TTC39B: variants seen among roughly 807,000 people sequenced by gnomAD.
The protein encoded by TTC39B is tetratricopeptide repeat domain 39B.
In TTC39B, 92 loss-of-function variants were observed where a neutral mutation model predicts 96.6. The ratio of observed to expected loss-of-function variants is 0.95; its 90% CI spans 0.80 to 1.13. TTC39B has a LOEUF of 1.13. TTC39B is among the 50% of genes most tolerant of loss of function. TTC39B has a pLI of 0.00. For synonymous variants in TTC39B, 367 were observed against 299.4 expected, an observed-to-expected ratio of 1.23 and a Z score of -2.33; for missense variants, 955 against 809.3, an observed-to-expected ratio of 1.18 and a Z score of -2.18.
At chr9:15,209,752 T>A (rs968588903) in intron 6 of TTC39B, among the ~76,000 whole-genome samples, 3 of 152,184 alleles carry the variant, frequency 2.0e-5, no homozygotes, top group African/African-American at 7.2e-5. Flanking sequence ...ACCACACAGC[T>A]GTTAAACACT....
chr9:15,267,971 T>C, intron 1 of TTC39B, 23 bp from the exon 2 acceptor site: 1 of 1,607,152 alleles, frequency 6.2e-7, no homozygotes, highest in Non-Finnish European at 8.5e-7. Context: ...AAAAATACAA[T>C]GAGTTTCTCA....
intron 2 of TTC39B, among the ~76,000 whole-genome samples, chr9:15,246,914 A>T (rs1395342909): frequency 1.3e-5 from 2 of 152,260 alleles, no homozygotes; most frequent in African/African-American, 4.8e-5. Flanking sequence ...TTATTGTTTT[A>T]AGTCTACTAA....
intron 1 of TTC39B, among the ~76,000 whole-genome samples, chr9:15,288,774 A>G (rs1824072218): frequency 6.6e-6 from 1 of 152,184 alleles, no homozygotes; most frequent in African/African-American, 2.4e-5. Flanking sequence ...ACAGACACCC[A>G]CCCCTGGATG....
intron 19 of TTC39B, among the ~76,000 whole-genome samples, chr9:15,174,346 T>C (rs138658451): frequency 2.5e-4 from 38 of 152,342 alleles, no homozygotes; most frequent in African/African-American, 8.7e-4. Flanking sequence ...GACCTAGAGC[T>C]AGTCTGGCAT....
chr9:15,232,892 A>G (rs655099), intron 2 of TTC39B, among the ~76,000 whole-genome samples: 76,087 of 152,028 alleles, frequency 0.5, 19,477 homozygotes, highest in East Asian at 0.75. Flanking sequence ...TGGCTGCTGC[A>G]GGGCCAGTGG....
At chr9:15,166,012 A>G (rs1273551979) in exon 20 of TTC39B, 2 of 152,200 alleles carry the variant, frequency 1.3e-5, no homozygotes, top group Non-Finnish European at 2.9e-5. Context: ...ATGGTGCCCA[A>G]CAGACTACCA....
chr9:15,209,591 C>T (rs1326178619), intron 6 of TTC39B, among the ~76,000 whole-genome samples: 1 of 152,202 alleles, frequency 6.6e-6, no homozygotes, highest in Non-Finnish European at 1.5e-5. Context: ...CCTGGTTCTT[C>T]CACTTTTAGG....
intron 1 of TTC39B, among the ~76,000 whole-genome samples, chr9:15,301,711 G>A (rs184825016): frequency 9.9e-5 from 15 of 150,754 alleles, no homozygotes; most frequent in Admixed American, 8.6e-4. Flanking sequence ...AGCTGAGATC[G>A]TGCCACTGCA....
chr9:15,294,400 C>G (rs766007174), intron 1 of TTC39B, among the ~76,000 whole-genome samples: 7 of 152,146 alleles, frequency 4.6e-5, no homozygotes, highest in Admixed American at 1.3e-4. Flanking sequence ...TAGGTGCTAC[C>G]TGAAAACCCT....
intron 1 of TTC39B, among the ~76,000 whole-genome samples, chr9:15,293,662 C>T (rs769002268): frequency 7.9e-5 from 12 of 152,184 alleles, no homozygotes; most frequent in Non-Finnish European, 1.8e-4. Context: ...AATATGAGAA[C>T]CACTTAGGAA....
chr9:15,252,382 C>T (rs1822593802), intron 2 of TTC39B, among the ~76,000 whole-genome samples: 2 of 152,318 alleles, frequency 1.3e-5, no homozygotes, highest in Admixed American at 1.3e-4. Flanking sequence ...GGCGCAGTGG[C>T]TCACGCCTGT....
At chr9:15,193,985 AG>A (rs1166257176) in intron 8 of TTC39B, among the ~76,000 whole-genome samples, 1 of 152,242 alleles carries the variant, frequency 6.6e-6, no homozygotes, top group African/African-American at 2.4e-5. Context: ...ATCCTGAGCC[AG>A]AAAAAGGGCA....
intron 15 of TTC39B, among the ~76,000 whole-genome samples, chr9:15,185,693 G>A (rs1229917858): frequency 6.6e-6 from 1 of 152,204 alleles, no homozygotes; most frequent in Non-Finnish European, 1.5e-5. Context: ...AGTCAACTTA[G>A]CTAATGTCTT....
exon 20 of TTC39B, chr9:15,169,017 C>G (rs1438742940): frequency 6.6e-6 from 1 of 152,142 alleles, no homozygotes; most frequent in East Asian, 1.9e-4. Flanking sequence ...AGAGTGACCT[C>G]AAAGTTCAAC....
At chr9:15,289,530 C>A (rs987012867) in intron 1 of TTC39B, among the ~76,000 whole-genome samples, 1 of 152,214 alleles carries the variant, frequency 6.6e-6, no homozygotes, top group Non-Finnish European at 1.5e-5. Context: ...AAGTTACTTG[C>A]TCAAAGGCAC....
At chr9:15,297,829 AATC>A (rs1481524857) in intron 1 of TTC39B, among the ~76,000 whole-genome samples, 1 of 152,162 alleles carries the variant, frequency 6.6e-6, no homozygotes. Flanking sequence ...TGATCTCCAC[AATC>A]TGACATGAAA....
chr9:15,273,919 T>C (rs555476699), intron 1 of TTC39B, among the ~76,000 whole-genome samples: 1 of 152,346 alleles, frequency 6.6e-6, no homozygotes, highest in South Asian at 2.1e-4. Context: ...GGTATTAGGT[T>C]CTACGGAATA....
chr9:15,307,031 G>A, intron 1 of TTC39B, 53 bp downstream of exon 1: 1 of 1,588,814 alleles, frequency 6.3e-7, no homozygotes, highest in South Asian at 1.1e-5. Context: ...TTCTCTCCCG[G>A]ACTCCTGTCC....
intron 3 of TTC39B, among the ~76,000 whole-genome samples, chr9:15,216,089 A>G (rs1381884627): frequency 6.6e-6 from 1 of 152,084 alleles, no homozygotes; most frequent in Non-Finnish European, 1.5e-5. Context: ...ATTCAGATCT[A>G]ATCTAACGCA....
Sources: allele counts gnomAD v4.1 joint callset (sites outside exome capture counted in the v4.1 genomes callset), GRCh38; gene constraint gnomAD v4.1.1; transcripts MANE v1.5; gene names NCBI Gene and HGNC (gene_info 2026-07-23, HGNC 2026-07-21).